IQCJ: variants seen among roughly 807,000 people sequenced by gnomAD.
IQCJ encodes the protein IQ motif containing J.
Under a neutral mutation model 11.0 loss-of-function variants are expected in IQCJ, and 9 were observed. The ratio of observed to expected loss-of-function variants is 0.82; its 90% CI spans 0.49 to 1.43. IQCJ has a LOEUF of 1.43. Ranked by LOEUF, IQCJ falls within the 40% of genes most tolerant of loss-of-function variation. The pLI is 0.00. For synonymous variants in IQCJ, 55 were observed against 51.3 expected (o/e 1.07, Z -0.31); for missense variants, 146 against 133.2 (o/e 1.10, Z -0.47).
At chr3:159,237,046 AG>A (rs1313865262) in intron 1 of IQCJ, among the ~76,000 whole-genome samples, 1 of 152,252 alleles carries the variant, frequency 6.6e-6, no homozygotes, top group Non-Finnish European at 1.5e-5. Context: ...ACAGCTACAC[AG>A]TGAAGTAAAT....
chr3:159,086,978 G>A (rs562923187), intron 1 of IQCJ, among the ~76,000 whole-genome samples: 48 of 152,276 alleles, frequency 3.2e-4, no homozygotes, highest in African/African-American at 1.1e-3. Flanking sequence ...GTGAGAGAGG[G>A]CATCCCTGTC....
At chr3:159,094,242 T>C (rs1717554499) in intron 1 of IQCJ, among the ~76,000 whole-genome samples, 1 of 150,720 alleles carries the variant, frequency 6.6e-6, no homozygotes, top group South Asian at 2.1e-4. Flanking sequence ...GGCCTCAAGG[T>C]TCTTATGTTT....
chr3:159,074,173 T>C (rs1307142153), intron 1 of IQCJ, among the ~76,000 whole-genome samples: 1 of 152,010 alleles, frequency 6.6e-6, no homozygotes, highest in Non-Finnish European at 1.5e-5. Context: ...TAGGCTTGCG[T>C]GAAGGTGAAT....
At chr3:159,261,974 CTGCCTTG>C (rs1728237131) in intron 3 of IQCJ, among the ~76,000 whole-genome samples, 1 of 152,188 alleles carries the variant, frequency 6.6e-6, no homozygotes, top group Admixed American at 6.5e-5. Flanking sequence ...GTGCTCTCGC[CTGCCTTG>C]TGCCCCACAG....
At chr3:159,189,735 A>G (rs1402329708) in intron 1 of IQCJ, among the ~76,000 whole-genome samples, 3 of 152,198 alleles carry the variant, frequency 2.0e-5, no homozygotes, top group Non-Finnish European at 4.4e-5. Flanking sequence ...TAAGGCAGAG[A>G]GGCCGTCACT....
intron 1 of IQCJ, among the ~76,000 whole-genome samples, chr3:159,182,776 A>ATT (rs376253612): frequency 1.9e-4 from 23 of 121,150 alleles, no homozygotes; most frequent in South Asian, 7.2e-4. Flanking sequence ...ATTTTTATTT[A>ATT]TTTTATTTTT....
intron 1 of IQCJ, among the ~76,000 whole-genome samples, chr3:159,220,152 C>A (rs890042134): frequency 4.6e-5 from 7 of 152,084 alleles, no homozygotes; most frequent in African/African-American, 2.4e-5. Context: ...TAAAAGGTAT[C>A]TTCTGCAGCA....
At position 159,192,157 on chromosome 3, in the gene IQCJ, C is replaced by T. The variant is rs533792414; in HGVS notation, c.10-53686C>T. On this transcript the variant is annotated intron_variant, in intron 1 of 3. Transcript: ENST00000397832. Reference sequence around the variant, plus strand: ...TGTCCAAGGTGACTTTCTAGATGATCTTGTTGGTAAAAATCAGAATTTTGG... The same window carrying T: ...TGTCCAAGGTGACTTTCTAGATGATTTTGTTGGTAAAAATCAGAATTTTGG... Among the ~76,000 whole-genome samples, 5 of 152,286 alleles carry T rather than the reference C, an allele frequency of 3.3e-5. No homozygotes were observed. The East Asian group carries it at 9.6e-4, about 29-fold the overall frequency.
intron 3 of IQCJ, among the ~76,000 whole-genome samples, chr3:159,257,320 C>T (rs935154991): frequency 8.5e-5 from 13 of 152,120 alleles, no homozygotes; most frequent in Admixed American, 2.0e-4. Context: ...GACTCAGTAA[C>T]CCTGGGTGCA....
chr3:159,151,451 CCTGT>C (rs979317102), intron 1 of IQCJ, among the ~76,000 whole-genome samples: 1 of 152,196 alleles, frequency 6.6e-6, no homozygotes. Context: ...TGCTGGACAG[CCTGT>C]CTTTCTTTCC....
intron 1 of IQCJ, among the ~76,000 whole-genome samples, chr3:159,143,499 A>G (rs1054917244): frequency 5.9e-5 from 9 of 152,082 alleles, no homozygotes; most frequent in Admixed American, 5.2e-4. Flanking sequence ...TCTCTTCACC[A>G]CAAAAGCTCC....
chr3:159,205,917 C>T (rs1724633822), intron 1 of IQCJ, among the ~76,000 whole-genome samples: 1 of 152,166 alleles, frequency 6.6e-6, no homozygotes, highest in South Asian at 2.1e-4. Context: ...CTCTGCAGCC[C>T]CCTACCCAAC....
At chr3:159,074,738 A>T (rs1011023063) in intron 1 of IQCJ, among the ~76,000 whole-genome samples, 3 of 151,782 alleles carry the variant, frequency 2.0e-5, no homozygotes, top group African/African-American at 7.3e-5. Flanking sequence ...CTAAATTTCA[A>T]CTGTAGAAAC....
At chr3:159,183,703 T>A (rs1334773651) in intron 1 of IQCJ, among the ~76,000 whole-genome samples, 1 of 152,180 alleles carries the variant, frequency 6.6e-6, no homozygotes. Context: ...CCAAGCTTCT[T>A]CCATCTTTTT....
At chr3:159,177,784 A>T (rs1164321940) in intron 1 of IQCJ, among the ~76,000 whole-genome samples, 4 of 152,220 alleles carry the variant, frequency 2.6e-5, no homozygotes, top group African/African-American at 9.6e-5. Flanking sequence ...TGTATTGGGT[A>T]ATTAGTGAAT....
In IQCJ at chr3:159,247,258, G is replaced by A. The variant is rs545878230; in HGVS notation, c.74+1351G>A. ...ATTACAGGCACGTGCCACCACGCCC[G>A]GCTAATTTTTGTATTTTTAGTAGAG... On this transcript the variant is annotated intron_variant, in intron 2 of 3. Transcript: ENST00000397832. Among the ~76,000 whole-genome samples, 30 of 152,110 alleles carry A rather than the reference G, an allele frequency of 2.0e-4. 1 individual carries two copies. Among genetic ancestry groups the A allele is most frequent in the South Asian group, 1.9e-3 (9 of 4,798 alleles).
At chr3:159,115,367 C>G (rs9871839) in intron 1 of IQCJ, among the ~76,000 whole-genome samples, 99,159 of 151,884 alleles carry the variant, frequency 0.65, 32,684 homozygotes, top group Non-Finnish European at 0.71. Flanking sequence ...GCAAGTCCTA[C>G]AAGTGGTATA....
rs181499647 is a variant in IQCJ, at chr3:159,144,601, G to T, written c.9+75160G>T. Among the ~76,000 whole-genome samples the T allele has an allele frequency of 2.1e-4, 32 of 151,890 alleles. No individual in the cohort carries two copies. The East Asian group carries it at 5.8e-3, about 28-fold the overall frequency. On this transcript the variant is annotated intron_variant, in intron 1 of 3. Coordinates refer to ENST00000397832, the MANE Select transcript of IQCJ (RefSeq NM_001042706.3). ...CCAGATCACCTGACTTCTGACTTCT[G>T]GTCTGTTTTTCAGTCTTACTGCCAT...
intron 1 of IQCJ, among the ~76,000 whole-genome samples, chr3:159,164,736 C>T (rs185397138): frequency 6.6e-6 from 1 of 152,282 alleles, no homozygotes; most frequent in Non-Finnish European, 1.5e-5. Context: ...CCATTGCACT[C>T]CAGCCTGGGT....
Sources: allele counts gnomAD v4.1 joint callset (sites outside exome capture counted in the v4.1 genomes callset), GRCh38; gene constraint gnomAD v4.1.1; transcripts MANE v1.5; gene names NCBI Gene and HGNC (gene_info 2026-07-23, HGNC 2026-07-21).